Variants in FBXW7 observed in about 807,000 individuals in gnomAD.
FBXW7 encodes F-box/WD repeat-containing protein 7.
FBXW7 carries 11 observed loss-of-function variants against 86.3 expected under a neutral mutation model. The ratio of observed to expected loss-of-function variants is 0.13; its 90% CI spans 0.08 to 0.21. FBXW7 has a LOEUF of 0.21. FBXW7 is among the 10% of genes least tolerant of loss of function. The probability of loss-of-function intolerance (pLI) is 1.00; values close to 1 mark genes in which losing one functional copy is unlikely to be tolerated. For missense variants in FBXW7, 488 were observed against 847.4 expected, an observed-to-expected ratio of 0.58 and a Z score of 5.27; for synonymous variants, 313 against 297.9, an observed-to-expected ratio of 1.05 and a Z score of -0.52.
In FBXW7 at chr4:152,432,287, C is replaced by T. The variant is rs141978644; in HGVS notation, c.-119-19758G>A. On this transcript the variant is annotated intron_variant, in intron 2 of 13. Transcript: ENST00000281708. ...GTCCTAGCTTTCTAACGTGAGCATA[C>T]CTGATATTAGAACAGGGAAGTCCCA... 1.1e-3 allele frequency among the ~76,000 whole-genome samples: 170 copies of T among 152,090 alleles called. 1 individual carries two copies. The highest frequency in any genetic ancestry group is 3.9e-3 in the African/African-American group (163 of 41,480).
chr4:152,328,522 G>A (rs947754562), intron 10 of FBXW7, 133 bp from the exon 11 acceptor site: 134 of 535,002 alleles, frequency 2.5e-4, no homozygotes, highest in Middle Eastern at 4.7e-4. Context: ...TATTACATCC[G>A]TATAAAATGA....
intron 2 of FBXW7, among the ~76,000 whole-genome samples, chr4:152,523,614 C>T (rs1317266240): frequency 6.6e-6 from 1 of 152,072 alleles, no homozygotes; most frequent in Non-Finnish European, 1.5e-5. Flanking sequence ...TTTAAGGCTG[C>T]CTTAAAATTA....
At chr4:152,524,116 A>C (rs1749274003) in intron 2 of FBXW7, among the ~76,000 whole-genome samples, 1 of 152,214 alleles carries the variant, frequency 6.6e-6, no homozygotes, top group South Asian at 2.1e-4. Context: ...ACACTGTGCT[A>C]AAGGCTTACA....
intron 2 of FBXW7, among the ~76,000 whole-genome samples, chr4:152,450,054 G>T (rs1741771501): frequency 6.6e-6 from 1 of 152,200 alleles, no homozygotes; most frequent in Admixed American, 6.5e-5. Flanking sequence ...CTTTGTGTAT[G>T]TAACATGCTC....
chr4:152,494,085 T>C (rs540213666), intron 2 of FBXW7, among the ~76,000 whole-genome samples: 2 of 152,108 alleles, frequency 1.3e-5, no homozygotes, highest in African/African-American at 4.8e-5. Context: ...ATAGCAGGAA[T>C]TAAGCGTGTT....
At chr4:152,504,792 G>T (rs1219023237) in intron 2 of FBXW7, among the ~76,000 whole-genome samples, 3 of 152,014 alleles carry the variant, frequency 2.0e-5, no homozygotes, top group Non-Finnish European at 4.4e-5. Context: ...TCAAAAACTT[G>T]GTACAAAGAG....
chr4:152,530,651 A>C (rs528669014), intron 2 of FBXW7: 1 of 152,374 alleles, frequency 6.6e-6, no homozygotes, highest in Admixed American at 6.5e-5. Context: ...TTTTAAATGA[A>C]CTCAGAGAAA....
chr4:152,521,944 C>T (rs555721797), intron 2 of FBXW7, among the ~76,000 whole-genome samples: 2 of 151,424 alleles, frequency 1.3e-5, no homozygotes, highest in African/African-American at 4.9e-5. Flanking sequence ...CTCAGCCTCC[C>T]CAGTAGCTGA....
intron 4 of FBXW7, among the ~76,000 whole-genome samples, chr4:152,406,834 C>A (rs1250608829): frequency 6.6e-6 from 1 of 152,084 alleles, no homozygotes; most frequent in Admixed American, 6.5e-5. Flanking sequence ...CTACTTTTTA[C>A]ACTAGAGGGT....
intron 4 of FBXW7, among the ~76,000 whole-genome samples, chr4:152,398,348 T>C (rs1033261023): frequency 6.6e-6 from 1 of 151,862 alleles, no homozygotes; most frequent in Non-Finnish European, 1.5e-5. Context: ...AAAAAAATAA[T>C]ACTTTATAAA....
chr4:152,531,532 T>A (rs1420079321), intron 2 of FBXW7, among the ~76,000 whole-genome samples: 2 of 151,296 alleles, frequency 1.3e-5, no homozygotes, highest in African/African-American at 4.9e-5. Flanking sequence ...TACATTTTTT[T>A]AAATGCCAAG....
chr4:152,344,235 T>C (rs910602483), intron 6 of FBXW7, among the ~76,000 whole-genome samples: 5 of 152,148 alleles, frequency 3.3e-5, no homozygotes, highest in Non-Finnish European at 5.9e-5. Flanking sequence ...CATTTCTAGT[T>C]ACTCTGGGAC....
intron 7 of FBXW7, among the ~76,000 whole-genome samples, chr4:152,333,587 G>C (rs957919364): frequency 1.3e-5 from 2 of 151,970 alleles, no homozygotes; most frequent in Non-Finnish European, 2.9e-5. Flanking sequence ...AATTTAAATA[G>C]AGCAATTAAG....
rs1019657914 is a variant in FBXW7 at position 152,535,548 on chromosome 4, C to T, written c.-634G>A. 2.5e-6 allele frequency: 1 copy of T among 396,314 alleles called. No homozygotes were observed. The highest frequency in any genetic ancestry group is 6.3e-4 in the Middle Eastern group (1 of 1,580). 24.5% of individuals were successfully genotyped at this position (396,314 alleles called of 1,614,324 possible). On this transcript the variant is annotated 5_prime_UTR_variant, in exon 1 of 14. Coordinates refer to ENST00000281708, the MANE Select transcript of FBXW7 (RefSeq NM_001349798.2). ...GGGCCCCGGTTCATACACTCCGGGG[C>T]AAGATGCTACGGCCCCGGGCGGGTG...
chr4:152,349,385 C>G (rs1578954747), intron 5 of FBXW7, among the ~76,000 whole-genome samples: 1 of 151,518 alleles, frequency 6.6e-6, no homozygotes, highest in Admixed American at 6.6e-5. Context: ...ACATTCAAAG[C>G]CACTTTTAAT....
intron 2 of FBXW7, among the ~76,000 whole-genome samples, chr4:152,451,153 C>T (rs1389499058): frequency 1.3e-5 from 2 of 152,146 alleles, no homozygotes; most frequent in East Asian, 3.8e-4. Flanking sequence ...TTATAATTAA[C>T]TTTGTCTAGG....
At chr4:152,358,061 T>C (rs1732569044) in intron 4 of FBXW7, among the ~76,000 whole-genome samples, 1 of 152,204 alleles carries the variant, frequency 6.6e-6, no homozygotes, top group Non-Finnish European at 1.5e-5. Flanking sequence ...AATGAATCTT[T>C]CATGCTTAAA....
chr4:152,363,591 C>T (rs940068453), intron 4 of FBXW7, among the ~76,000 whole-genome samples: 1 of 152,176 alleles, frequency 6.6e-6, no homozygotes, highest in African/African-American at 2.4e-5. Flanking sequence ...CCTGAATGCT[C>T]TTTCAGTGCC....
intron 2 of FBXW7, among the ~76,000 whole-genome samples, chr4:152,448,436 A>C (rs1251695527): frequency 6.6e-6 from 1 of 152,228 alleles, no homozygotes; most frequent in Non-Finnish European, 1.5e-5. Context: ...TATTTGAAAT[A>C]AATCTATGTA....
Sources: gnomAD v4.1 joint callset for allele counts (sites outside exome capture counted in the v4.1 genomes callset) on GRCh38, gnomAD v4.1.1 for gene constraint, MANE v1.5 for transcripts, NCBI Gene and HGNC (gene_info 2026-07-23, HGNC 2026-07-21) for gene names.